Variants in CNOT6 observed in about 807,000 individuals in gnomAD.
The protein encoded by CNOT6 is CCR4-NOT transcription complex subunit 6.
In CNOT6, 12 loss-of-function variants were observed where a neutral mutation model predicts 61.2. That is an observed-to-expected ratio of 0.20 (90% CI 0.13 to 0.32). CNOT6 has a LOEUF of 0.32. Ranked by LOEUF, CNOT6 falls within the 10% of genes least tolerant of loss-of-function variation. The pLI, the probability that CNOT6 is intolerant of heterozygous loss-of-function variation, is 1.00. For missense variants in CNOT6, 405 were observed against 663.9 expected, an observed-to-expected ratio of 0.61 and a Z score of 4.28; for synonymous variants, 225 against 240.6, an observed-to-expected ratio of 0.94 and a Z score of 0.60.
chr5:180,531,620 A>C (rs1384690665), intron 2 of CNOT6, among the ~76,000 whole-genome samples: 2 of 152,174 alleles, frequency 1.3e-5, no homozygotes, highest in Non-Finnish European at 2.9e-5. Flanking sequence ...GCACTTTGGG[A>C]GGCCAAGGCA....
intron 2 of CNOT6, among the ~76,000 whole-genome samples, chr5:180,542,510 C>A (rs1417135594): frequency 1.3e-5 from 2 of 152,192 alleles, no homozygotes; most frequent in Admixed American, 6.5e-5. Context: ...AATGATCCAC[C>A]CACCTTGGCC....
intron 1 of CNOT6, among the ~76,000 whole-genome samples, chr5:180,507,099 G>A (rs1420032970): frequency 6.6e-6 from 1 of 152,136 alleles, no homozygotes; most frequent in Admixed American, 6.6e-5. Flanking sequence ...GGCATTTGAA[G>A]GATGACTAGG....
rs1407453981 is a variant in CNOT6, at chr5:180,575,079, A to G, written c.*879A>G. On this transcript the variant is annotated 3_prime_UTR_variant, in exon 12 of 12. Coordinates refer to ENST00000261951, the MANE Select transcript of CNOT6 (RefSeq NM_001370472.1). Reference sequence around the variant, plus strand: ...TAACTTTTTAAAGTTAAAAACCTACAGCTGCTTAGGTCCAGCTTCTTAACT... The same window carrying G: ...TAACTTTTTAAAGTTAAAAACCTACGGCTGCTTAGGTCCAGCTTCTTAACT... 6.6e-6 allele frequency: 1 copy of G among 152,636 alleles called. No individual in the cohort carries two copies. 9.5% of individuals were successfully genotyped at this position (152,636 alleles called of 1,614,324 possible). A position where few individuals can be genotyped will look rare whatever the true frequency, so the allele number is the denominator to read the frequency against.
At chr5:180,525,120 A>G (rs545798992) in intron 1 of CNOT6, among the ~76,000 whole-genome samples, 7 of 152,286 alleles carry the variant, frequency 4.6e-5, no homozygotes, top group African/African-American at 1.7e-4. Context: ...TTATATTTCT[A>G]TATTGAAGAA....
chr5:180,564,587 A>G lies in CNOT6; in HGVS notation c.484A>G (p.Lys162Glu). Residue 162 changes from lysine (K) to glutamate (E), a missense_variant, in exon 5 of 12, where the codon AAA (lysine) becomes GAA (glutamate). Physicochemically the swap from Lys to Glu is moderately conservative, Grantham distance 56. Transcript: ENST00000261951. ...YLLDNLSGTA[K>E]RITTEQPPPR... is the part of the protein sequence containing the mutation. ...GCTTGATAATTTGTCAGGTACTGCA[A>G]AAAGAAGTAAGTGGTTATTTGTTTA... 1.2e-6 allele frequency: 2 copies of G among 1,613,334 alleles called. No homozygotes were observed. Among genetic ancestry groups the G allele is most frequent in the Non-Finnish European group, 1.7e-6 (2 of 1,179,264 alleles).
intron 1 of CNOT6, among the ~76,000 whole-genome samples, chr5:180,518,991 C>T (rs996920577): frequency 1.3e-5 from 2 of 152,154 alleles, no homozygotes; most frequent in Admixed American, 6.5e-5. Flanking sequence ...GGATTACAGG[C>T]GTGAGCCATA....
At chr5:180,517,788 C>T (rs188403014) in intron 1 of CNOT6, among the ~76,000 whole-genome samples, 21 of 152,274 alleles carry the variant, frequency 1.4e-4, no homozygotes, top group African/African-American at 4.8e-4. Flanking sequence ...GTGATCCGCC[C>T]GCCTCGGCCT....
chr5:180,495,901 A>G (rs1397958423), intron 1 of CNOT6: 1 of 152,218 alleles, frequency 6.6e-6, no homozygotes, highest in African/African-American at 2.4e-5. Flanking sequence ...CATTTATCAC[A>G]GTCTTTATTT....
At chr5:180,496,576 C>T (rs13188908) in intron 1 of CNOT6, among the ~76,000 whole-genome samples, 25,375 of 152,052 alleles carry the variant, frequency 0.17, 2,227 homozygotes, top group Non-Finnish European at 0.19. Flanking sequence ...GGTGGCTCAC[C>T]GTGTAATCCC....
Position 180,575,229 on chromosome 5 carries a change from A to G in CNOT6, c.*1029A>G, listed in dbSNP as rs1760953731. ...TTATATTTTTAAAATACTGTTTAAC[A>G]TTTGTGAGAATTTTATGAAAATGCT... On this transcript the variant is annotated 3_prime_UTR_variant, in exon 12 of 12. Transcript: ENST00000261951. The G allele has an allele frequency of 6.6e-6, 1 of 152,476 alleles. No homozygotes were observed. The allele number at this position is 152,476 out of a possible 1,614,324, so 9.4% of individuals were successfully genotyped here.
intron 4 of CNOT6, among the ~76,000 whole-genome samples, chr5:180,559,134 G>A (rs1760045271): frequency 6.6e-6 from 1 of 152,162 alleles, no homozygotes. Flanking sequence ...ATTAGCTCCT[G>A]TATATTAACT....
intron 4 of CNOT6, among the ~76,000 whole-genome samples, chr5:180,557,210 G>A (rs1759942447): frequency 6.6e-6 from 1 of 152,202 alleles, no homozygotes; most frequent in Non-Finnish European, 1.5e-5. Flanking sequence ...TGAACATTCA[G>A]TGTGCAGGTT....
At chr5:180,569,465 AG>A in intron 10 of CNOT6, 125 bp downstream of exon 10, 1 of 757,352 alleles carries the variant, frequency 1.3e-6, no homozygotes, top group South Asian at 1.8e-5. Context: ...AGCTATGAGC[AG>A]GTTTTAAACA....
At chr5:180,527,583 A>C (rs565982846) in intron 1 of CNOT6, among the ~76,000 whole-genome samples, 3 of 152,344 alleles carry the variant, frequency 2.0e-5, no homozygotes, top group Non-Finnish European at 2.9e-5. Context: ...AACTAGTATC[A>C]GATCTAGAGA....
intron 1 of CNOT6, among the ~76,000 whole-genome samples, chr5:180,501,287 A>G (rs1274979493): frequency 1.3e-5 from 2 of 152,196 alleles, no homozygotes; most frequent in African/African-American, 4.8e-5. Flanking sequence ...AGAATTAGGG[A>G]CAGACTAGCC....
intron 2 of CNOT6, among the ~76,000 whole-genome samples, chr5:180,539,744 C>G (rs1758932846): frequency 6.6e-6 from 1 of 151,598 alleles, no homozygotes; most frequent in Non-Finnish European, 1.5e-5. Flanking sequence ...CACCCGCCAC[C>G]ACACCCGGCT....
At chr5:180,502,683 G>A (rs1367964488) in intron 1 of CNOT6, among the ~76,000 whole-genome samples, 1 of 137,014 alleles carries the variant, frequency 7.3e-6, no homozygotes, top group Non-Finnish European at 1.7e-5. Context: ...GTGATTAGGT[G>A]CATTGAGTGG....
At chr5:180,498,481 GGA>G (rs1407814034) in intron 1 of CNOT6, among the ~76,000 whole-genome samples, 9 of 152,140 alleles carry the variant, frequency 5.9e-5, no homozygotes, top group Admixed American at 1.3e-4. Context: ...CTGGGGAGAG[GGA>G]GTCATGTCAA....
intron 2 of CNOT6, among the ~76,000 whole-genome samples, chr5:180,530,324 C>T (rs913109365): frequency 3.3e-5 from 5 of 152,150 alleles, no homozygotes; most frequent in Admixed American, 6.5e-5. Context: ...GAGCTTATGA[C>T]ATTAGGGAGT....
Sources: gnomAD v4.1 joint callset for allele counts (sites outside exome capture counted in the v4.1 genomes callset) on GRCh38, gnomAD v4.1.1 for gene constraint, MANE v1.5 for transcripts, NCBI Gene and HGNC (gene_info 2026-07-23, HGNC 2026-07-21) for gene names.